Variants in PRAG1 observed in about 807,000 individuals in gnomAD.
The protein encoded by PRAG1 is PEAK1 related, kinase-activating pseudokinase 1.
A neutral mutation model predicts 95.6 loss-of-function variants in PRAG1; 110 were observed. That is an observed-to-expected ratio of 1.15 (90% CI 0.99 to 1.35). The LOEUF (loss-of-function observed/expected upper bound fraction) is 1.35. Among genes scored for constraint, PRAG1 ranks in the 40% most tolerant of loss-of-function variants. PRAG1 has a pLI of 0.00. For missense variants in PRAG1, 2,554 were observed against 1,864.7 expected, an observed-to-expected ratio of 1.37 and a Z score of -6.81; for synonymous variants, 1,052 against 819.4, an observed-to-expected ratio of 1.28 and a Z score of -4.85.
Position 8,376,984 on chromosome 8 carries a change from T to C in PRAG1, c.1425A>G (p.Thr475=), listed in dbSNP as rs770050537. ...DPTPQVSATI[T]VMAAHPEEDH... is the part of the protein sequence containing the mutation. ...CCTCTTCCGGGTGGGCCGCCATGAC[T>C]GTGATGGTGGCTGACACCTGGGGAG... The change falls in exon 3 of 6, where the codon ACA becomes ACG. Residue 475 remains threonine (T), a synonymous_variant. Transcript: ENST00000615670. 1 of 1,613,714 alleles carries C rather than the reference T, an allele frequency of 6.2e-7. No individual in the cohort carries two copies. Among genetic ancestry groups the C allele is most frequent in the African/African-American group, 1.3e-5 (1 of 75,046 alleles).
chr8:8,325,003 T>C (rs1172585177), intron 5 of PRAG1, among the ~76,000 whole-genome samples: 4 of 152,174 alleles, frequency 2.6e-5, no homozygotes, highest in Admixed American at 6.5e-5. Context: ...TATTGTTAAC[T>C]AGGACTCCGC....
chr8:8,384,139 C>T (rs763593378), intron 1 of PRAG1, among the ~76,000 whole-genome samples: 1 of 152,138 alleles, frequency 6.6e-6, no homozygotes, highest in Admixed American at 6.5e-5. Context: ...AGGTGGGTGC[C>T]CAACCACTTC....
chr8:8,381,187 T>C (rs926912793), intron 2 of PRAG1, among the ~76,000 whole-genome samples: 2 of 152,176 alleles, frequency 1.3e-5, no homozygotes, highest in African/African-American at 4.8e-5. Context: ...AGTCTGCAAA[T>C]CACAGGAGGA....
chr8:8,328,612 T>G, intron 4 of PRAG1, 151 bp from the exon 5 acceptor site: 1 of 898,426 alleles, frequency 1.1e-6, no homozygotes, highest in Non-Finnish European at 1.6e-6. Flanking sequence ...AGACAATATA[T>G]GCACAATGGA....
chr8:8,356,996 T>C (rs1349810835), intron 3 of PRAG1, among the ~76,000 whole-genome samples: 1 of 152,148 alleles, frequency 6.6e-6, no homozygotes, highest in Admixed American at 6.5e-5. Context: ...AAAATGAAAG[T>C]GGACCCTTGC....
At position 8,318,292 on chromosome 8, in the gene PRAG1, C is replaced by T. The variant is rs1563222021; in HGVS notation, c.4083G>A (p.Leu1361=). 6.2e-7 allele frequency: 1 copy of T among 1,614,198 alleles called. No homozygotes were observed. Among genetic ancestry groups the T allele is most frequent in the South Asian group, 1.1e-5 (1 of 91,090 alleles). ...CCTTCTCCGCAAACTTCATCATCAT[C>T]AGGGCCCGCTTCATGTCGATCCAGT... ...LHNWIDMKRA[L]MMMKFAEKAV... is the part of the protein sequence containing the mutation. The change falls in exon 6 of 6, where the codon CTG becomes CTA. Residue 1361 remains leucine (L), a synonymous_variant. Coordinates refer to ENST00000615670, the MANE Select transcript of PRAG1 (RefSeq NM_001080826.3). This position sits in a 1 kb window ranked among gnomAD's most constrained non-coding sequence, Gnocchi z 4.2.
At chr8:8,365,646 T>C (rs1431788215) in intron 3 of PRAG1, among the ~76,000 whole-genome samples, 1 of 149,794 alleles carries the variant, frequency 6.7e-6, no homozygotes, top group African/African-American at 2.5e-5. Flanking sequence ...AATAAATAAA[T>C]ATATGCAACA....
At chr8:8,368,101 A>G (rs1800071833) in intron 3 of PRAG1, among the ~76,000 whole-genome samples, 1 of 152,264 alleles carries the variant, frequency 6.6e-6, no homozygotes, top group Admixed American at 6.5e-5. Flanking sequence ...TCATAGCACA[A>G]GTATAAATTG....
chr8:8,340,874 G>A (rs1179655338), intron 3 of PRAG1, among the ~76,000 whole-genome samples: 1 of 152,152 alleles, frequency 6.6e-6, no homozygotes, highest in Non-Finnish European at 1.5e-5. Flanking sequence ...GCAACATTAT[G>A]ACTAATCTTC....
intron 3 of PRAG1, among the ~76,000 whole-genome samples, chr8:8,371,819 G>A (rs1186124076): frequency 6.6e-6 from 1 of 152,108 alleles, no homozygotes; most frequent in Non-Finnish European, 1.5e-5. Flanking sequence ...GCAGTGAGAT[G>A]GCACCACTGC....
At chr8:8,339,357 T>C (rs1308321493) in intron 4 of PRAG1, 121 bp downstream of exon 4, 8 of 1,073,484 alleles carry the variant, frequency 7.5e-6, no homozygotes, top group South Asian at 5.3e-5. Context: ...GTCTACTTCA[T>C]TGAGAAAGCA....
At chr8:8,372,854 A>G (rs1295000163) in intron 3 of PRAG1, among the ~76,000 whole-genome samples, 1 of 152,216 alleles carries the variant, frequency 6.6e-6, no homozygotes, top group Non-Finnish European at 1.5e-5. Flanking sequence ...GGCAAAAGAG[A>G]AAATCATTCC....
rs576843455 is a variant in PRAG1 at position 8,319,262 on chromosome 8, C to T, written c.3113G>A (p.Ser1038Asn). ...GTTAAAGTGCACGGGCACGGACGGGCTGCAGTAGGAGACTGTTTTGGGCTC... is the reference window on the plus strand; with the variant it reads ...GTTAAAGTGCACGGGCACGGACGGGTTGCAGTAGGAGACTGTTTTGGGCTC... ...APEPKTVSYC[S>N]PSVPVHFNIQ... Residue 1038 changes from serine to asparagine, a missense_variant, in exon 6 of 6, where the codon AGC becomes AAC. Physicochemically the swap from Ser to Asn is conservative, Grantham distance 46. Transcript: ENST00000615670. 3.3e-5 allele frequency: 50 copies of T among 1,532,230 alleles called. No homozygotes were observed. In the South Asian group the frequency reaches 5.1e-4, roughly 15 times the overall value. The allele number at this position is 1,532,230 out of a possible 1,614,324, so 94.9% of individuals were successfully genotyped here.
In PRAG1 at chr8:8,377,100, C is replaced by A. The variant is rs1250939720; in HGVS notation, c.1309G>T (p.Ala437Ser). The change falls in exon 3 of 6, where the codon GCT becomes TCT. Residue 437 changes from alanine to serine, a missense_variant. By Grantham distance (99) the Ala-to-Ser change is moderately conservative. Coordinates refer to ENST00000615670, the MANE Select transcript of PRAG1 (RefSeq NM_001080826.3). The stretch of plus-strand genomic sequence containing the variant: ...ACCTGGCCTTGGCCCTGGGCAGCAG[C>A]TGCATGTTCTATCTTGGCCTGTGAC... ...SKSQAKIEHA[A>S]AAQGQGQVCT... is the part of the protein sequence containing the mutation. 2.5e-6 allele frequency: 4 copies of A among 1,613,494 alleles called. No individual in the cohort carries two copies. Among genetic ancestry groups the A allele is most frequent in the Non-Finnish European group, 3.4e-6 (4 of 1,180,024 alleles).
intron 3 of PRAG1, among the ~76,000 whole-genome samples, chr8:8,372,775 C>T (rs927340302): frequency 6.6e-6 from 1 of 152,220 alleles, no homozygotes; most frequent in Non-Finnish European, 1.5e-5. Context: ...CCAAGTCATT[C>T]TTAACATCTA....
At position 8,318,445 on chromosome 8, in the gene PRAG1, G is replaced by A. The variant is rs766137756; in HGVS notation, c.3930C>T (p.Ala1310=). Residue 1310 remains alanine, a synonymous_variant, in exon 6 of 6, where the codon GCC becomes GCT. Transcript: ENST00000615670. The surrounding 1 kb of genome is among the most constrained non-coding windows in gnomAD (Gnocchi z 4.2). ...LQQLAHLLLE[A]DPIKRIRIGE... The stretch of plus-strand genomic sequence containing the variant: ...CGATGCGGATACGCTTGATGGGGTC[G>A]GCCTCCAGTAGCAGATGTGCCAGCT... The A allele has an allele frequency of 2.5e-6, 4 of 1,612,390 alleles. No individual in the cohort carries two copies. The highest frequency in any genetic ancestry group is 3.3e-5 in the Admixed American group (2 of 59,994).
In PRAG1 at chr8:8,377,883, C is replaced by A. The variant is rs1373501131; in HGVS notation, c.526G>T (p.Ala176Ser). 1 of 1,614,070 alleles carries A rather than the reference C, an allele frequency of 6.2e-7. No individual in the cohort carries two copies. The highest frequency in any genetic ancestry group is 8.5e-7 in the Non-Finnish European group (1 of 1,179,998). ...NLEPRGERNI[A>S]FHPVSFPEEK... ...TCCGGGAAGCTCACCGGGTGGAAGG[C>A]AATGTTCCTCTCGCCGCGGGGCTCA... Residue 176 changes from alanine (A) to serine (S), a missense_variant, in exon 3 of 6, where the codon GCC becomes TCC. Coordinates refer to ENST00000615670, the MANE Select transcript of PRAG1 (RefSeq NM_001080826.3).
chr8:8,370,686 C>T (rs1420761463), intron 3 of PRAG1, among the ~76,000 whole-genome samples: 2 of 152,188 alleles, frequency 1.3e-5, no homozygotes, highest in Non-Finnish European at 2.9e-5. Flanking sequence ...TCATCCTATG[C>T]CCATCCTCCC....
intron 3 of PRAG1, among the ~76,000 whole-genome samples, chr8:8,359,440 G>A (rs1002353168): frequency 2.3e-4 from 35 of 152,124 alleles, no homozygotes; most frequent in African/African-American, 7.7e-4. Context: ...TCTATTGACC[G>A]GACCATCCTT....
Sources: allele counts gnomAD v4.1 joint callset (sites outside exome capture counted in the v4.1 genomes callset), GRCh38; gene constraint gnomAD v4.1.1; non-coding constraint Gnocchi (gnomAD v3.1); transcripts MANE v1.5; gene names NCBI Gene and HGNC (gene_info 2026-07-23, HGNC 2026-07-21).